The following SAMD5 variants were observed in gnomAD, a reference collection of about 807,000 sequenced individuals.
The protein encoded by SAMD5 is sterile alpha motif domain-containing protein 5.
A neutral mutation model predicts 11.3 loss-of-function variants in SAMD5; 13 were observed. The ratio of observed to expected loss-of-function variants is 1.15; its 90% CI spans 0.75 to 1.83. The LOEUF (loss-of-function observed/expected upper bound fraction) is 1.83. Ranked by LOEUF, SAMD5 falls within the 40% of genes most tolerant of loss-of-function variation. The pLI is 0.00. For missense variants in SAMD5, 255 were observed against 239.1 expected (o/e 1.07, Z -0.44); for synonymous variants, 129 against 111.3 (o/e 1.16, Z -1.00).
the SAMD5 span, among the ~76,000 whole-genome samples, chr6:147,943,102 T>G: frequency 3.9e-5 from 6 of 152,154 alleles, no homozygotes; most frequent in African/African-American, 4.8e-5. Context: ...ATTACAGGTG[T>G]GAGCCACCAC....
chr6:147,860,195 T>G, the SAMD5 span, among the ~76,000 whole-genome samples: 3 of 152,180 alleles, frequency 2.0e-5, no homozygotes, highest in Non-Finnish European at 4.4e-5. Context: ...GGCTTAGAGA[T>G]GCATCACTCT....
At chr6:147,880,122 A>G in the SAMD5 span, among the ~76,000 whole-genome samples, 1 of 152,178 alleles carries the variant, frequency 6.6e-6, no homozygotes, top group African/African-American at 2.4e-5. Context: ...AATATGAGAG[A>G]AGAAGCATTT....
chr6:147,761,170 A>G, the SAMD5 span, among the ~76,000 whole-genome samples: 1 of 152,164 alleles, frequency 6.6e-6, no homozygotes, highest in African/African-American at 2.4e-5. Flanking sequence ...TCATTAAAAA[A>G]TAATTTTTGA....
the SAMD5 span, among the ~76,000 whole-genome samples, chr6:147,783,408 G>A: frequency 6.6e-6 from 1 of 151,096 alleles, no homozygotes; most frequent in East Asian, 1.9e-4. Context: ...GGTCGGGGCG[G>A]GGGGACATGA....
chr6:147,569,742 A>G lies in SAMD5; in HGVS notation c.*5286A>G. The G allele has an allele frequency of 2.0e-6, 2 of 985,428 alleles. No individual in the cohort carries two copies. The highest frequency in any genetic ancestry group is 9.4e-5 in the South Asian group (2 of 21,290). The allele number at this position is 985,428 out of a possible 1,614,324, so 61.0% of individuals were successfully genotyped here. ...ATTCATAGAAAATTTCTGCCCCTAC[A>G]GAAGTGTGTGCATGGGCCTTGGAAA... On this transcript the variant is annotated 3_prime_UTR_variant, in exon 2 of 2. Coordinates refer to ENST00000367474, the MANE Select transcript of SAMD5 (RefSeq NM_001030060.3).
At chr6:147,896,950 G>A in the SAMD5 span, among the ~76,000 whole-genome samples, 11 of 152,134 alleles carry the variant, frequency 7.2e-5, no homozygotes, top group Admixed American at 6.5e-4. Context: ...CCATTTATAT[G>A]AAATATCCAG....
chr6:147,517,991 A>G (rs6941468), intron 1 of SAMD5, among the ~76,000 whole-genome samples: 2,174 of 152,200 alleles, frequency 0.014, 44 homozygotes, highest in African/African-American at 0.049. Context: ...GTTTATAAAT[A>G]TGCAAATTCC....
chr6:147,729,978 G>A (rs1468360385), intron 1 of SAMD5: 3 of 410,526 alleles, frequency 7.3e-6, no homozygotes, highest in African/African-American at 4.2e-5. Context: ...CCAGCTACTC[G>A]GGAGGCTGAG....
intron 1 of SAMD5, among the ~76,000 whole-genome samples, chr6:147,600,118 C>G (rs908589060): frequency 3.9e-5 from 6 of 152,152 alleles, no homozygotes; most frequent in African/African-American, 4.8e-5. Context: ...ATCCTCTTTG[C>G]ACTGTGGTCA....
intron 1 of SAMD5, among the ~76,000 whole-genome samples, chr6:147,673,738 C>A (rs1382342544): frequency 6.6e-6 from 1 of 151,900 alleles, no homozygotes; most frequent in East Asian, 1.9e-4. Context: ...CCTTAAACAT[C>A]AATTCTTCGG....
intron 1 of SAMD5, among the ~76,000 whole-genome samples, chr6:147,628,093 G>C (rs1790085752): frequency 6.6e-6 from 1 of 152,188 alleles, no homozygotes; most frequent in African/African-American, 2.4e-5. Context: ...TGGTCCAACA[G>C]ATATTGCTGG....
intron 1 of SAMD5, among the ~76,000 whole-genome samples, chr6:147,527,461 T>C (rs2128440759): frequency 6.6e-6 from 1 of 152,262 alleles, no homozygotes; most frequent in East Asian, 1.9e-4. Context: ...AAACCATTCA[T>C]GAGAAGTCCA....
chr6:147,896,738 CAAAAAAAAAA>C, the SAMD5 span, among the ~76,000 whole-genome samples: 430 of 55,352 alleles, frequency 7.8e-3, 1 homozygote, highest in African/African-American at 0.027. Context: ...GAACATTAAC[CAAAAAAAAAA>C]AAAAAAAAAA....
intron 1 of SAMD5, among the ~76,000 whole-genome samples, chr6:147,550,820 C>A (rs1788758362): frequency 6.6e-6 from 1 of 152,064 alleles, no homozygotes; most frequent in Non-Finnish European, 1.5e-5. Context: ...TTATTGGGGT[C>A]ACCGTTAGAC....
chr6:147,917,092 A>C, the SAMD5 span, among the ~76,000 whole-genome samples: 1 of 88,022 alleles, frequency 1.1e-5, no homozygotes, highest in Non-Finnish European at 2.1e-5. Flanking sequence ...TGGCTGGGTC[A>C]AATGGTATTT....
At chr6:147,797,812 G>A in the SAMD5 span, among the ~76,000 whole-genome samples, 6 of 148,716 alleles carry the variant, frequency 4.0e-5, no homozygotes, top group Admixed American at 2.0e-4. Flanking sequence ...TGTATGTGTC[G>A]AGGAATGTAT....
At chr6:147,614,346 G>A (rs1193795949) in intron 1 of SAMD5, among the ~76,000 whole-genome samples, 2 of 151,688 alleles carry the variant, frequency 1.3e-5, no homozygotes, top group Admixed American at 1.3e-4. Flanking sequence ...GTGGGCACCT[G>A]TAGTCCCAGC....
chr6:147,790,306 A>T, the SAMD5 span, among the ~76,000 whole-genome samples: 5 of 152,230 alleles, frequency 3.3e-5, no homozygotes, highest in African/African-American at 1.2e-4. Context: ...GTAATCCCAA[A>T]AGATGATCCC....
intron 1 of SAMD5, among the ~76,000 whole-genome samples, chr6:147,589,716 G>A (rs543388309): frequency 6.6e-6 from 1 of 152,260 alleles, no homozygotes; most frequent in African/African-American, 2.4e-5. Context: ...GATAAATATA[G>A]TCTTAAAATA....
Sources: allele counts gnomAD v4.1 joint callset (sites outside exome capture counted in the v4.1 genomes callset), GRCh38; gene constraint gnomAD v4.1.1; transcripts MANE v1.5; gene names NCBI Gene and HGNC (gene_info 2026-07-23, HGNC 2026-07-21).